PGM1: variants seen among roughly 807,000 people sequenced by gnomAD.
PGM1 encodes the protein phosphoglucomutase 1.
PGM1 carries 52 observed loss-of-function variants against 55.6 expected under a neutral mutation model. The ratio of observed to expected loss-of-function variants is 0.94; its 90% CI spans 0.75 to 1.18. The LOEUF is 1.18. PGM1 is among the 50% of genes most tolerant of loss of function. The pLI is 0.00. For missense variants in PGM1, 724 were observed against 729.3 expected, an observed-to-expected ratio of 0.99 and a Z score of 0.08; for synonymous variants, 287 against 271.7, an observed-to-expected ratio of 1.06 and a Z score of -0.55.
chr1:63,634,193 T>A (rs1008788041), intron 4 of PGM1, among the ~76,000 whole-genome samples: 6 of 151,950 alleles, frequency 3.9e-5, no homozygotes, highest in Non-Finnish European at 8.8e-5. Context: ...CAAATGTCTT[T>A]ACCTCAGAAC....
intron 6 of PGM1, 45 bp downstream of exon 6, chr1:63,636,433 A>C (rs781555824): frequency 6.3e-7 from 1 of 1,583,334 alleles, no homozygotes; most frequent in Non-Finnish European, 8.7e-7. Flanking sequence ...AGGTCGTCCC[A>C]GTCTTCACCA....
At chr1:63,604,423 C>T (rs1485848413) in intron 1 of PGM1, among the ~76,000 whole-genome samples, 1 of 152,058 alleles carries the variant, frequency 6.6e-6, no homozygotes, top group African/African-American at 2.4e-5. Context: ...GCTTCTACTA[C>T]CACATCCATG....
intron 1 of PGM1, among the ~76,000 whole-genome samples, chr1:63,614,464 A>C (rs2269264): frequency 0.41 from 62,260 of 152,008 alleles, 13,678 homozygotes; most frequent in East Asian, 0.67. Flanking sequence ...CTGCCCATCT[A>C]AGGAATTCCC....
chr1:63,593,579 A>G lies in PGM1; in HGVS notation c.91A>G (p.Ser31Gly), dbSNP rs2100947698. ...GLRKRVKVFQ[S>G]SANYAENFIQ... Reference sequence around the variant, plus strand: ...GCGGAAGCGGGTGAAGGTGTTCCAGAGCAGCGCCAACTACGCGGAGAACTT... The same window carrying G: ...GCGGAAGCGGGTGAAGGTGTTCCAGGGCAGCGCCAACTACGCGGAGAACTT... Residue 31 changes from serine to glycine, a missense_variant, in exon 1 of 11, where the codon AGC (serine) becomes GGC (glycine). This residue lies in a region of PGM1 where 379 missense variants were observed against 357.5 expected (regional missense o/e 1.06). Transcript: ENST00000371084. 3 of 1,613,782 alleles carry G rather than the reference A, an allele frequency of 1.9e-6. No individual in the cohort carries two copies. Among genetic ancestry groups the G allele is most frequent in the East Asian group, 2.2e-5 (1 of 44,866 alleles).
Position 63,636,264 on chromosome 1 carries a change from T to A in PGM1, c.904T>A (p.Phe302Ile). ...DRNMILGKHG[F>I]FVNPSDSVAV... ...AAACATGATTCTGGGCAAGCATGGGTTCTTTGTGAACCCTTCAGACTCTGT... is the reference window on the plus strand; with the variant it reads ...AAACATGATTCTGGGCAAGCATGGGATCTTTGTGAACCCTTCAGACTCTGT... The change falls in exon 6 of 11, where the codon TTC (phenylalanine) becomes ATC (isoleucine). Residue 302 changes from phenylalanine (F) to isoleucine (I), a missense_variant. Physicochemically the swap from Phe to Ile is conservative, Grantham distance 21 (BLOSUM62 0). Around this residue, in one of 3 missense-constraint regions of PGM1, gnomAD observed 29 missense variants for 58.7 expected, o/e 0.49. Transcript: ENST00000371084. The A allele has an allele frequency of 6.2e-7, 1 of 1,614,148 alleles. No homozygotes were observed. The highest frequency in any genetic ancestry group is 8.5e-7 in the Non-Finnish European group (1 of 1,179,984).
intron 1 of PGM1, among the ~76,000 whole-genome samples, chr1:63,607,903 A>G (rs1648466690): frequency 6.6e-6 from 1 of 152,164 alleles, no homozygotes; most frequent in Non-Finnish European, 1.5e-5. Flanking sequence ...ACAAGATTTG[A>G]TCACCCACTT....
intron 1 of PGM1, among the ~76,000 whole-genome samples, chr1:63,616,334 T>A (rs1248023567): frequency 6.6e-6 from 1 of 152,186 alleles, no homozygotes; most frequent in East Asian, 1.9e-4. Context: ...TGAAAAGGGG[T>A]TCCTAAGCCT....
At chr1:63,618,640 C>T (rs1414953413) in intron 1 of PGM1, among the ~76,000 whole-genome samples, 2 of 152,032 alleles carry the variant, frequency 1.3e-5, no homozygotes, top group Non-Finnish European at 2.9e-5. Flanking sequence ...TTTAAAATGC[C>T]TACTTAAAAA....
chr1:63,631,967 G>A lies in PGM1; in HGVS notation c.682+185G>A, dbSNP rs544368292. Among the ~76,000 whole-genome samples the A allele has an allele frequency of 6.6e-6, 1 of 152,284 alleles. No homozygotes were observed. Among genetic ancestry groups the A allele is most frequent in the East Asian group, 1.9e-4 (1 of 5,178 alleles). The stretch of plus-strand genomic sequence containing the variant: ...CTAATTGTATGTAGCAAAAATAGTA[G>A]AGACACTCCTCGTGGTAAGCTCGTG... On this transcript the variant is annotated intron_variant, in intron 4 of 10. Transcript: ENST00000371084.
chr1:63,626,611 A>G (rs972235579), intron 1 of PGM1, among the ~76,000 whole-genome samples: 3 of 95,952 alleles, frequency 3.1e-5, no homozygotes, highest in Non-Finnish European at 6.4e-5. Context: ...CACATGAGAA[A>G]AAAAAAGAAA....
chr1:63,595,925 C>T (rs1351677452), intron 1 of PGM1, among the ~76,000 whole-genome samples: 5 of 152,172 alleles, frequency 3.3e-5, no homozygotes, highest in Non-Finnish European at 7.4e-5. Context: ...TTTGTAAAAG[C>T]TTTCTGCATT....
chr1:63,595,623 C>T (rs1214025342), intron 1 of PGM1, among the ~76,000 whole-genome samples: 3 of 152,138 alleles, frequency 2.0e-5, no homozygotes, highest in Non-Finnish European at 4.4e-5. Context: ...CTGTTACCAC[C>T]TGTGCTGAAT....
intron 10 of PGM1, 96 bp downstream of exon 10, chr1:63,654,562 C>T (rs1649910225): frequency 8.3e-7 from 1 of 1,210,436 alleles, no homozygotes; most frequent in South Asian, 1.2e-5. Context: ...TCTCAAATGA[C>T]TCAACAAGGT....
In PGM1 at chr1:63,648,551, G is replaced by A. The variant is rs1258604639; in HGVS notation, c.1179G>A (p.Trp393Ter). ...ACATCCGTGAGAAAGATGGACTGTGGGCTGTCCTTGCCTGGCTCTCCATCC... is the reference window on the plus strand; with the variant it reads ...ACATCCGTGAGAAAGATGGACTGTGAGCTGTCCTTGCCTGGCTCTCCATCC... Reference protein sequence around the residue: ...SDHIREKDGLWAVLAWLSILA... With the variant: ...SDHIREKDGL The change falls in exon 8 of 11, where the codon TGG (tryptophan) becomes TGA (stop). Residue 393 changes from tryptophan to a stop codon, truncating the protein, a stop_gained. Coordinates refer to ENST00000371084, the MANE Select transcript of PGM1 (RefSeq NM_002633.3). LOFTEE classifies it high-confidence loss of function. 1 of 1,614,026 alleles carries A rather than the reference G, an allele frequency of 6.2e-7. No individual in the cohort carries two copies.
chr1:63,659,979 T>C lies in PGM1; in HGVS notation c.*304T>C, dbSNP rs1433337899. ...ACAGTTTACACTACAATGTAAGCTATAGGTGGAGCATCAGCAGTGAGTGAG... is the reference window on the plus strand; with the variant it reads ...ACAGTTTACACTACAATGTAAGCTACAGGTGGAGCATCAGCAGTGAGTGAG... On this transcript the variant is annotated 3_prime_UTR_variant, in exon 11 of 11. Coordinates refer to ENST00000371084, the MANE Select transcript of PGM1 (RefSeq NM_002633.3). 1 of 488,626 alleles carries C rather than the reference T, an allele frequency of 2.0e-6. No individual in the cohort carries two copies. Among genetic ancestry groups the C allele is most frequent in the Non-Finnish European group, 3.8e-6 (1 of 265,854 alleles). 30.3% of individuals were successfully genotyped at this position (488,626 alleles called of 1,614,324 possible). A position where few individuals can be genotyped will look rare whatever the true frequency, so the allele number is the denominator to read the frequency against.
At chr1:63,615,973 C>G (rs1173196930) in intron 1 of PGM1, among the ~76,000 whole-genome samples, 1 of 152,062 alleles carries the variant, frequency 6.6e-6, no homozygotes, top group African/African-American at 2.4e-5. Flanking sequence ...CTGCCCCTTA[C>G]GAGGCTGCTG....
chr1:63,644,995 C>A (rs1420845785), intron 7 of PGM1, among the ~76,000 whole-genome samples: 2 of 152,190 alleles, frequency 1.3e-5, no homozygotes, highest in Non-Finnish European at 2.9e-5. Flanking sequence ...GTACCTGCAC[C>A]ATTGGTATTT....
At chr1:63,595,604 A>G (rs780061346) in intron 1 of PGM1, among the ~76,000 whole-genome samples, 3 of 151,916 alleles carry the variant, frequency 2.0e-5, no homozygotes, top group Admixed American at 6.5e-5. Flanking sequence ...ATCCCAGTAG[A>G]TCATTTCCCT....
intron 1 of PGM1, chr1:63,623,874 A>T: frequency 1.5e-6 from 1 of 678,700 alleles, no homozygotes; most frequent in East Asian, 2.7e-5. Flanking sequence ...TTCTACTAAC[A>T]TCCAGCTAAG....
Sources: gnomAD v4.1 joint callset for allele counts (sites outside exome capture counted in the v4.1 genomes callset) on GRCh38, gnomAD v4.1.1 for gene constraint, gnomAD v4.1.1 regional missense constraint, MANE v1.5 for transcripts, NCBI Gene and HGNC (gene_info 2026-07-23, HGNC 2026-07-21) for gene names.